The following CPEB3 variants were observed in gnomAD, a reference collection of about 807,000 sequenced individuals.
CPEB3 encodes the protein cytoplasmic polyadenylation element binding protein 3, also known as cytoplasmic polyadenylation element-binding protein 3.
Under a neutral mutation model 67.2 loss-of-function variants are expected in CPEB3, and 20 were observed. The observed-to-expected ratio is 0.30, with a 90% CI of 0.21 to 0.43. CPEB3 has a LOEUF of 0.43. Ranked by LOEUF, CPEB3 falls within the 20% of genes least tolerant of loss-of-function variation. CPEB3 has a pLI of 1.00. For missense variants in CPEB3, 746 were observed against 968.6 expected (o/e 0.77, Z 3.05); for synonymous variants, 376 against 393.1 (o/e 0.96, Z 0.51).
At chr10:92,091,144 G>A (rs1843600029) in intron 8 of CPEB3, among the ~76,000 whole-genome samples, 1 of 152,076 alleles carries the variant, frequency 6.6e-6, no homozygotes, top group Non-Finnish European at 1.5e-5. Flanking sequence ...ATTTTAGGTA[G>A]AACTAAGTCT....
chr10:92,239,677 G>A lies in CPEB3; in HGVS notation c.674C>T (p.Ala225Val). 1 of 1,567,838 alleles carries A rather than the reference G, an allele frequency of 6.4e-7. No individual in the cohort carries two copies. Among genetic ancestry groups the A allele is most frequent in the Non-Finnish European group, 8.6e-7 (1 of 1,160,020 alleles). Reference protein sequence around the residue: ...IMTSKPSSSSAVAAAAAAAAA... With the variant: ...IMTSKPSSSSVVAAAAAAAAA... ...GGCTGCGGCAGCAGCGGCTGCAACC[G>A]CCGAAGACGAGGACGGCTTGCTGGT... is the stretch of plus-strand genomic sequence containing the variant. Residue 225 changes from alanine (A) to valine (V), a missense_variant, in exon 2 of 10, where the codon GCG becomes GTG. Around this residue, in one of 2 missense-constraint regions of CPEB3, gnomAD observed 643 missense variants for 717.5 expected, o/e 0.90. Coordinates refer to ENST00000265997, the MANE Select transcript of CPEB3 (RefSeq NM_014912.5). The surrounding 1 kb of genome is among the most constrained non-coding windows in gnomAD (Gnocchi z 6.0).
chr10:92,150,404 T>C (rs930041257), intron 4 of CPEB3, among the ~76,000 whole-genome samples: 1 of 152,142 alleles, frequency 6.6e-6, no homozygotes, highest in Non-Finnish European at 1.5e-5. Context: ...TCTGCTCTTA[T>C]TATAAGCTCC....
intron 2 of CPEB3, among the ~76,000 whole-genome samples, chr10:92,236,540 G>A (rs1851540663): frequency 6.6e-6 from 1 of 152,166 alleles, no homozygotes; most frequent in South Asian, 2.1e-4. Context: ...CTGAGGTCAG[G>A]AGTTCAAGAC....
At chr10:92,250,023 T>TATAC (rs1852227732) in intron 1 of CPEB3, among the ~76,000 whole-genome samples, 1 of 148,416 alleles carries the variant, frequency 6.7e-6, no homozygotes, top group Non-Finnish European at 1.5e-5. Context: ...CTCCATCTCA[T>TATAC]ATATATATAT....
At chr10:92,061,758 T>G (rs1418271121) in intron 9 of CPEB3, among the ~76,000 whole-genome samples, 1 of 152,174 alleles carries the variant, frequency 6.6e-6, no homozygotes, top group African/African-American at 2.4e-5. Context: ...GAATAAGACC[T>G]ACTATTTCAT....
Position 92,223,688 on chromosome 10 carries a change from C to G in CPEB3, c.1005+15658G>C, listed in dbSNP as rs142036650. Among the ~76,000 whole-genome samples, 427 of 151,024 alleles carry G rather than the reference C, an allele frequency of 2.8e-3. 2 individuals carry two copies. The highest frequency in any genetic ancestry group is 4.1e-3 in the Non-Finnish European group (279 of 67,874). On this transcript the variant is annotated intron_variant, in intron 2 of 9. Coordinates refer to ENST00000265997, the MANE Select transcript of CPEB3 (RefSeq NM_014912.5). ...TTCTGGGTTCAAGCTATTCTCCTGCCTCAGCCCCTCAAGCAGCTGGGATTA... is the reference window on the plus strand; with the variant it reads ...TTCTGGGTTCAAGCTATTCTCCTGCGTCAGCCCCTCAAGCAGCTGGGATTA...
chr10:92,142,862 T>C (rs748403320), intron 6 of CPEB3, among the ~76,000 whole-genome samples, 167 bp downstream of exon 6: 1 of 151,776 alleles, frequency 6.6e-6, no homozygotes, highest in African/African-American at 2.4e-5. Flanking sequence ...AGGGGAAGAG[T>C]CTCTAAGTGG....
chr10:92,250,874 T>A (rs1590534007), intron 1 of CPEB3, among the ~76,000 whole-genome samples: 1 of 146,720 alleles, frequency 6.8e-6, no homozygotes, highest in South Asian at 2.2e-4. Flanking sequence ...TTTTTTTTTT[T>A]TTTTTTTTTG....
At position 92,125,542 on chromosome 10, in the gene CPEB3, A is replaced by T. The variant is rs1317220909; in HGVS notation, c.1454-14348T>A. Reference sequence around the variant, plus strand: ...TATCAGGATCAGCTGTTAGTGCAGAACAAGGGGTAGAAGGCTCAGGGTGGA... The same window carrying T: ...TATCAGGATCAGCTGTTAGTGCAGATCAAGGGGTAGAAGGCTCAGGGTGGA... On this transcript the variant is annotated intron_variant, in intron 6 of 9. Transcript: ENST00000265997. Among the ~76,000 whole-genome samples, 4 of 152,206 alleles carry T rather than the reference A, an allele frequency of 2.6e-5. 1 individual carries two copies. Among genetic ancestry groups the T allele is most frequent in the Non-Finnish European group, 4.4e-5 (3 of 68,034 alleles).
chr10:92,277,335 G>A (rs1206609955), intron 1 of CPEB3, among the ~76,000 whole-genome samples: 2 of 152,186 alleles, frequency 1.3e-5, no homozygotes, highest in East Asian at 3.8e-4. Flanking sequence ...GGGTAGGGAT[G>A]CAACACCATT....
chr10:92,118,533 A>G (rs181124771), intron 6 of CPEB3: 1 of 212,774 alleles, frequency 4.7e-6, no homozygotes, highest in Admixed American at 5.4e-5. Flanking sequence ...AAACTATATT[A>G]AAGGATATTC....
intron 7 of CPEB3, among the ~76,000 whole-genome samples, chr10:92,103,424 T>G (rs565059007): frequency 6.6e-6 from 1 of 152,226 alleles, no homozygotes. Flanking sequence ...ATCCCTACTT[T>G]AGAGCTAAGG....
At chr10:92,157,653 C>T (rs1369825383) in intron 4 of CPEB3, among the ~76,000 whole-genome samples, 2 of 152,052 alleles carry the variant, frequency 1.3e-5, no homozygotes, top group Admixed American at 1.3e-4. Context: ...AAATCACCAG[C>T]CAACCTAATA....
At chr10:92,078,598 T>C (rs1325331953) in intron 9 of CPEB3, among the ~76,000 whole-genome samples, 3 of 152,194 alleles carry the variant, frequency 2.0e-5, no homozygotes, top group African/African-American at 7.2e-5. Context: ...CTTAAATGTT[T>C]ACCAAGGACT....
At chr10:92,232,542 A>G (rs1851320654) in intron 2 of CPEB3, among the ~76,000 whole-genome samples, 1 of 151,530 alleles carries the variant, frequency 6.6e-6, no homozygotes, top group Non-Finnish European at 1.5e-5. Flanking sequence ...GTGGATCACA[A>G]GGTCAGGAGT....
chr10:92,178,227 C>T (rs1848310961), intron 4 of CPEB3, among the ~76,000 whole-genome samples: 2 of 150,454 alleles, frequency 1.3e-5, no homozygotes, highest in African/African-American at 4.9e-5. Context: ...GGCGTGATCT[C>T]GGCTCACTGC....
intron 2 of CPEB3, among the ~76,000 whole-genome samples, chr10:92,206,835 G>A (rs1396437554): frequency 6.6e-6 from 1 of 152,132 alleles, no homozygotes; most frequent in Admixed American, 6.6e-5. Flanking sequence ...AAGTAAAACA[G>A]ATTTTTTGAG....
intron 4 of CPEB3, among the ~76,000 whole-genome samples, chr10:92,147,384 A>AG (rs1441777065): frequency 2.0e-5 from 3 of 152,020 alleles, no homozygotes; most frequent in African/African-American, 7.2e-5. Context: ...TGAGTCCAGG[A>AG]GGTAGAGGTT....
chr10:92,113,791 C>T (rs7096357), intron 6 of CPEB3, among the ~76,000 whole-genome samples: 60,219 of 151,968 alleles, frequency 0.4, 12,838 homozygotes, highest in African/African-American at 0.55. Context: ...CACAAAAGCA[C>T]GCAGATTTTC....
Sources: allele counts gnomAD v4.1 joint callset (sites outside exome capture counted in the v4.1 genomes callset), GRCh38; gene constraint gnomAD v4.1.1; regional missense constraint gnomAD v4.1.1; non-coding constraint Gnocchi (gnomAD v3.1); transcripts MANE v1.5; gene names NCBI Gene and HGNC (gene_info 2026-07-23, HGNC 2026-07-21).